The following DKK2 variants were observed in gnomAD, a reference collection of about 807,000 sequenced individuals.
DKK2 encodes dickkopf-related protein 2.
In DKK2, 11 loss-of-function variants were observed where a neutral mutation model predicts 28.1. The observed-to-expected ratio is 0.39, with a 90% CI of 0.25 to 0.65. DKK2 has a LOEUF of 0.65. Ranked by LOEUF, DKK2 falls within the 30% of genes least tolerant of loss-of-function variation. The pLI, the probability that DKK2 is intolerant of heterozygous loss-of-function variation, is 0.47. For synonymous variants in DKK2, 135 were observed against 126.5 expected (o/e 1.07, Z -0.45); for missense variants, 326 against 335.5 (o/e 0.97, Z 0.22).
At chr4:106,977,071 C>A (rs1333322530) in intron 1 of DKK2, among the ~76,000 whole-genome samples, 1 of 152,194 alleles carries the variant, frequency 6.6e-6, no homozygotes, top group Non-Finnish European at 1.5e-5. Context: ...TTGGCCCCCA[C>A]TCTCTTCTGG....
intron 1 of DKK2, among the ~76,000 whole-genome samples, chr4:106,987,969 A>G (rs1723147134): frequency 6.6e-6 from 1 of 151,802 alleles, no homozygotes; most frequent in Non-Finnish European, 1.5e-5. Flanking sequence ...GGTTCAAGCA[A>G]TTCTCCTGCC....
rs111479771 is a variant in DKK2 at position 106,924,625 on chromosome 4, C to T, written c.449G>A (p.Arg150Gln). The change falls in exon 3 of 4, where the codon CGA becomes CAA. Residue 150 changes from arginine (R) to glutamine (Q), a missense_variant. Arg to Gln is a conservative substitution (Grantham distance 43, BLOSUM62 1). Coordinates refer to ENST00000285311, the MANE Select transcript of DKK2 (RefSeq NM_014421.3). ...ATGGTTTGAGTAATGACCGTGGTTT[C>T]GATCTCTGTGCCGAGTACCATCCAG... ...PALDGTRHRD[R>Q]NHGHYSNHDL... The T allele has an allele frequency of 1.1e-4, 178 of 1,613,888 alleles. 1 individual carries two copies. The African/African-American group carries it at 1.9e-3, about 17-fold the overall frequency.
intron 1 of DKK2, among the ~76,000 whole-genome samples, chr4:106,947,155 A>G (rs2110345663): frequency 6.6e-6 from 1 of 152,264 alleles, no homozygotes; most frequent in East Asian, 1.9e-4. Flanking sequence ...GGGCATGGGC[A>G]AACGGGGAAA....
At chr4:107,006,362 T>C (rs149376495) in intron 1 of DKK2, among the ~76,000 whole-genome samples, 64 of 152,248 alleles carry the variant, frequency 4.2e-4, no homozygotes, top group African/African-American at 1.5e-3. Context: ...TTCAAAGCAG[T>C]TCATTTTTCT....
chr4:107,027,138 T>C (rs1304539365), intron 1 of DKK2, among the ~76,000 whole-genome samples: 1 of 152,022 alleles, frequency 6.6e-6, no homozygotes, highest in Non-Finnish European at 1.5e-5. Flanking sequence ...GCATGGTTAA[T>C]GGGGAAAAAA....
rs189559860 is a variant in DKK2 at position 106,952,930 on chromosome 4, G to A, written c.223-26981C>T. Among the ~76,000 whole-genome samples, 264 of 152,062 alleles carry A rather than the reference G, an allele frequency of 1.7e-3. 1 individual carries two copies. Among genetic ancestry groups the A allele is most frequent in the Non-Finnish European group, 2.8e-3 (190 of 67,986 alleles). On this transcript the variant is annotated intron_variant, in intron 1 of 3. Transcript: ENST00000285311. ...AAATTTAATCTTTCATCTTCCCCTC[G>A]TATGTTGGTCAACTTGCTTATCAAA...
At chr4:106,980,404 T>C (rs1403729183) in intron 1 of DKK2, among the ~76,000 whole-genome samples, 1 of 152,164 alleles carries the variant, frequency 6.6e-6, no homozygotes, top group Non-Finnish European at 1.5e-5. Context: ...AACTTAATTA[T>C]GCTTCATAAC....
intron 1 of DKK2, among the ~76,000 whole-genome samples, chr4:106,986,260 A>G (rs1043261430): frequency 6.6e-6 from 1 of 152,208 alleles, no homozygotes; most frequent in African/African-American, 2.4e-5. Flanking sequence ...AGCAAAGGGC[A>G]TACTCTAGTT....
chr4:107,027,852 C>T lies in DKK2; in HGVS notation c.222+7518G>A, dbSNP rs528740949. On this transcript the variant is annotated intron_variant, in intron 1 of 3. Transcript: ENST00000285311. The stretch of plus-strand genomic sequence containing the variant: ...CTGCAAGCTTCGCCTCCCGGGTTCA[C>T]GCCATTCTCCTGCCTCAGCCTCCTG... Among the ~76,000 whole-genome samples, 21 of 151,388 alleles carry T rather than the reference C, an allele frequency of 1.4e-4. 1 individual carries two copies. The highest frequency in any genetic ancestry group is 3.6e-4 in the African/African-American group (15 of 41,220).
chr4:106,964,967 A>AGAT (rs1491345823), intron 1 of DKK2, among the ~76,000 whole-genome samples: 2 of 137,082 alleles, frequency 1.5e-5, no homozygotes, highest in South Asian at 2.3e-4. Flanking sequence ...AGATATAGAT[A>AGAT]GATAGATAGA....
intron 1 of DKK2, among the ~76,000 whole-genome samples, chr4:106,976,995 T>C (rs950492055): frequency 3.3e-5 from 5 of 152,196 alleles, no homozygotes; most frequent in African/African-American, 1.2e-4. Context: ...CCTTCACTTA[T>C]GAAGCTTAGT....
chr4:107,028,246 A>G (rs1723822485), intron 1 of DKK2, among the ~76,000 whole-genome samples: 1 of 152,160 alleles, frequency 6.6e-6, no homozygotes. Flanking sequence ...GTTTTGCTTT[A>G]TAATTCTTAC....
chr4:106,983,035 G>A (rs1723049422), intron 1 of DKK2, among the ~76,000 whole-genome samples: 1 of 142,176 alleles, frequency 7.0e-6, no homozygotes, highest in African/African-American at 2.6e-5. Context: ...GAAGAAGAAA[G>A]ATGAAAGAAA....
chr4:106,931,532 A>T (rs1724505134), intron 1 of DKK2, among the ~76,000 whole-genome samples: 1 of 152,150 alleles, frequency 6.6e-6, no homozygotes, highest in African/African-American at 2.4e-5. Flanking sequence ...CTAAGATAAA[A>T]TTTGCAGTAA....
In DKK2 at chr4:106,923,732, A is replaced by G. The variant is rs1340192126; in HGVS notation, c.*222T>C. On this transcript the variant is annotated 3_prime_UTR_variant, in exon 4 of 4. Coordinates refer to ENST00000285311, the MANE Select transcript of DKK2 (RefSeq NM_014421.3). ...TTCCACAAATGTGTACATTATTTACATAGACAAGTTGCATAATGGAAACAC... is the reference window on the plus strand; with the variant it reads ...TTCCACAAATGTGTACATTATTTACGTAGACAAGTTGCATAATGGAAACAC... 1.7e-6 allele frequency: 1 copy of G among 576,986 alleles called. No individual in the cohort carries two copies. The highest frequency in any genetic ancestry group is 3.0e-6 in the Non-Finnish European group (1 of 335,652). The allele number at this position is 576,986 out of a possible 1,614,324, so 35.7% of individuals were successfully genotyped here.
At chr4:106,987,064 C>T (rs2110360365) in intron 1 of DKK2, among the ~76,000 whole-genome samples, 1 of 152,260 alleles carries the variant, frequency 6.6e-6, no homozygotes, top group East Asian at 1.9e-4. Context: ...TAATTGCATG[C>T]TAACTATTTG....
At chr4:107,002,486 T>G (rs1259473028) in intron 1 of DKK2, among the ~76,000 whole-genome samples, 3 of 152,190 alleles carry the variant, frequency 2.0e-5, no homozygotes, top group African/African-American at 7.2e-5. Flanking sequence ...TTAGCTTTTT[T>G]GTTTTCTTCA....
intron 1 of DKK2, among the ~76,000 whole-genome samples, chr4:107,001,909 G>A (rs1445847956): frequency 1.3e-5 from 2 of 152,094 alleles, no homozygotes; most frequent in African/African-American, 4.8e-5. Flanking sequence ...AGTGTCCTTT[G>A]GATCATGTAA....
chr4:106,932,547 A>G (rs1343755429), intron 1 of DKK2, among the ~76,000 whole-genome samples: 64 of 152,130 alleles, frequency 4.2e-4, no homozygotes, highest in Admixed American at 4.2e-3. Flanking sequence ...AGATATCTAA[A>G]CTACGAGGTT....
Sources: allele counts gnomAD v4.1 joint callset (sites outside exome capture counted in the v4.1 genomes callset), GRCh38; gene constraint gnomAD v4.1.1; transcripts MANE v1.5; gene names NCBI Gene and HGNC (gene_info 2026-07-23, HGNC 2026-07-21).